EIF4A3: variants seen among roughly 807,000 people sequenced by gnomAD.
EIF4A3 encodes the protein eukaryotic translation initiation factor 4A3, also known as eukaryotic initiation factor 4A-III.
In EIF4A3, 1 loss-of-function variant was observed where a neutral mutation model predicts 55.6. The ratio of observed to expected loss-of-function variants is 0.02; its 90% confidence interval spans 0.01 to 0.09. The LOEUF (loss-of-function observed/expected upper bound fraction) is 0.09, where lower values mean the gene tolerates loss of function less well. EIF4A3 is among the 10% of genes least tolerant of loss of function. The pLI is 1.00. For synonymous variants in EIF4A3, 194 were observed against 196.3 expected, an observed-to-expected ratio of 0.99 and a Z score of 0.10; for missense variants, 221 against 540.7, an observed-to-expected ratio of 0.41 and a Z score of 5.86.
intron 11 of EIF4A3, 23 bp downstream of exon 11, chr17:80,135,981 A>G (rs2039567209): frequency 6.2e-7 from 1 of 1,611,774 alleles, no homozygotes; most frequent in African/African-American, 1.3e-5. Context: ...CTACAATTAC[A>G]GTAGAGCTGG....
At chr17:80,141,572 G>A (rs1415406092) in intron 3 of EIF4A3, 191 bp from the exon 4 acceptor site, 11 of 730,220 alleles carry the variant, frequency 1.5e-5, no homozygotes, top group East Asian at 2.7e-5. Context: ...ATCCTCGTCT[G>A]CAGACAAGAG....
Position 80,141,309 on chromosome 17 carries a change from G to A in EIF4A3, c.372+10C>T, listed in dbSNP as rs750002777. The A allele has an allele frequency of 6.2e-7, 1 of 1,610,676 alleles. No homozygotes were observed. The highest frequency in any genetic ancestry group is 1.3e-5 in the African/African-American group (1 of 74,964). On this transcript the variant is annotated intron_variant, in intron 4 of 11. Coordinates refer to ENST00000649764, the MANE Select transcript of EIF4A3 (RefSeq NM_014740.4). ...TGTTAATCGGACACCGCTATCTTTA[G>A]CCATCTCACCTTCTGGATCTGCACA...
intron 2 of EIF4A3, among the ~76,000 whole-genome samples, chr17:80,143,603 G>GA (rs566770904): frequency 3.8e-3 from 577 of 152,272 alleles, no homozygotes; most frequent in Non-Finnish European, 5.8e-3. Flanking sequence ...GAGAGCAGAG[G>GA]AAAAGCACAG....
chr17:80,143,258 C>G (rs1433860260), intron 2 of EIF4A3, among the ~76,000 whole-genome samples: 2 of 152,072 alleles, frequency 1.3e-5, no homozygotes, highest in African/African-American at 4.8e-5. Context: ...TGCACCCCTC[C>G]CCCCATATCT....
chr17:80,141,596 A>C (rs570508461), intron 3 of EIF4A3, 186 bp downstream of exon 3: 297 of 732,596 alleles, frequency 4.1e-4, no homozygotes, highest in Non-Finnish European at 6.1e-4. Context: ...CCTCTAGTTA[A>C]ATAGAAAATC....
chr17:80,135,290 A>G lies in EIF4A3; in HGVS notation c.*200T>C. On this transcript the variant is annotated 3_prime_UTR_variant, in exon 12 of 12. Coordinates refer to ENST00000649764, the MANE Select transcript of EIF4A3 (RefSeq NM_014740.4). The stretch of plus-strand genomic sequence containing the variant: ...AAGTTTTAAATTTTTAATGAAAAAG[A>G]CTTAGAACAATGTATTATTTACATG... The G allele has an allele frequency of 3.8e-6, 2 of 531,848 alleles. No individual in the cohort carries two copies. The highest frequency in any genetic ancestry group is 6.6e-5 in the East Asian group (2 of 30,526). 32.9% of individuals were successfully genotyped at this position (531,848 alleles called of 1,614,324 possible).
chr17:80,135,859 C>T, intron 11 of EIF4A3, 145 bp downstream of exon 11: 11 of 1,100,582 alleles, frequency 1.0e-5, no homozygotes, highest in Non-Finnish European at 1.4e-5. Flanking sequence ...CGCGCCACTG[C>T]ACTCCAGCCT....
At chr17:80,143,816 C>G (rs568668369) in intron 2 of EIF4A3, among the ~76,000 whole-genome samples, 1 of 152,028 alleles carries the variant, frequency 6.6e-6, no homozygotes, top group Admixed American at 6.5e-5. Context: ...CCCGTCTCTA[C>G]TAAAAATATG....
rs2039589671 is a variant in EIF4A3, at chr17:80,138,284, A to T, written c.729-4T>A. 2 of 1,613,518 alleles carry T rather than the reference A, an allele frequency of 1.2e-6. No individual in the cohort carries two copies. The highest frequency in any genetic ancestry group is 1.7e-6 in the Non-Finnish European group (2 of 1,179,988). ...GCCTTCCAGAGTCAATTCATCACTG[A>T]AGGACAAAGACAAATCCTGTTACAT... On this transcript the variant is annotated splice_polypyrimidine_tract_variant and splice_region_variant and intron_variant, in intron 7 of 11. Transcript: ENST00000649764.
rs779051281 is a variant in EIF4A3 at position 80,137,391 on chromosome 17, G to A, written c.978C>T (p.Gly326=). Residue 326 remains glycine, a synonymous_variant, in exon 9 of 12, where the codon GGC becomes GGT. Coordinates refer to ENST00000649764, the MANE Select transcript of EIF4A3 (RefSeq NM_014740.4). ...RESIMKEFRS[G]ASRVLISTDV... ...CCACAGCATAGCAGACCCACCTGGC[G>A]CCCGACCGGAACTCCTTCATGATGG... 8.7e-6 allele frequency: 14 copies of A among 1,613,028 alleles called. No individual in the cohort carries two copies. The highest frequency in any genetic ancestry group is 1.2e-5 in the Non-Finnish European group (14 of 1,179,580).
At chr17:80,141,023 C>T (rs2039613647) in intron 4 of EIF4A3, among the ~76,000 whole-genome samples, 1 of 152,096 alleles carries the variant, frequency 6.6e-6, no homozygotes, top group African/African-American at 2.4e-5. Flanking sequence ...TCTCAAACTC[C>T]TGACCTCAGG....
chr17:80,139,273 G>A (rs1025951295), intron 6 of EIF4A3, 111 bp from the exon 7 acceptor site: 177 of 1,415,474 alleles, frequency 1.3e-4, no homozygotes, highest in Middle Eastern at 2.5e-4. Context: ...GATAAGGTAC[G>A]TTTGACAGGA....
Position 80,140,282 on chromosome 17 carries a change from T to A in EIF4A3, c.373-142A>T. ...TCTCGAAACCACAAAATTCTCCTGCTCTTTTCTCTGACAAAAACAAGTTAA... is the reference window on the plus strand; with the variant it reads ...TCTCGAAACCACAAAATTCTCCTGCACTTTTCTCTGACAAAAACAAGTTAA... On this transcript the variant is annotated intron_variant, in intron 4 of 11. Transcript: ENST00000649764. 6 of 1,009,490 alleles carry A rather than the reference T, an allele frequency of 5.9e-6. No homozygotes were observed. In the South Asian group the frequency reaches 7.5e-5, roughly 13 times the overall value. The allele number at this position is 1,009,490 out of a possible 1,614,324, so 62.5% of individuals were successfully genotyped here.
Position 80,135,984 on chromosome 17 carries a change from A to G in EIF4A3, c.1219+20T>C, listed in dbSNP as rs565201449. 1.2e-6 allele frequency: 2 copies of G among 1,612,280 alleles called. No individual in the cohort carries two copies. The highest frequency in any genetic ancestry group is 1.3e-5 in the African/African-American group (1 of 74,990). ...GGGAAGTTCCCTCTACAATTACAGT[A>G]GAGCTGGACGATTTCCTACCGTTCA... On this transcript the variant is annotated intron_variant, in intron 11 of 11. Transcript: ENST00000649764.
At chr17:80,139,305 G>A in intron 6 of EIF4A3, 143 bp from the exon 7 acceptor site, 2 of 1,117,404 alleles carry the variant, frequency 1.8e-6, no homozygotes, top group Non-Finnish European at 2.5e-6. Context: ...TACAGCACCA[G>A]GCCACATCCA....
In EIF4A3 at chr17:80,134,589, C is replaced by G. The variant is rs1341940695; in HGVS notation, c.*901G>C. ...CTGTTATCCCAGCACTTTGTAAGGC[C>G]AAGATGGGAGAATCACTTAAACCCA... On this transcript the variant is annotated 3_prime_UTR_variant, in exon 12 of 12. Coordinates refer to ENST00000649764, the MANE Select transcript of EIF4A3 (RefSeq NM_014740.4). Among the ~76,000 whole-genome samples the G allele has an allele frequency of 2.0e-5, 3 of 151,808 alleles. No homozygotes were observed. Among genetic ancestry groups the G allele is most frequent in the South Asian group, 4.2e-4 (2 of 4,804 alleles).
At chr17:80,135,615 G>A in intron 11 of EIF4A3, 109 bp from the exon 12 acceptor site, 1 of 1,000,288 alleles carries the variant, frequency 1.0e-6, no homozygotes, top group Non-Finnish European at 1.5e-6. Context: ...CAAAAAACAG[G>A]CCAGACATAG....
In EIF4A3 at chr17:80,141,310, C is replaced by T; in HGVS notation, c.372+9G>A. 1 of 1,610,870 alleles carries T rather than the reference C, an allele frequency of 6.2e-7. No homozygotes were observed. The highest frequency in any genetic ancestry group is 8.5e-7 in the Non-Finnish European group (1 of 1,177,404). ...GTTAATCGGACACCGCTATCTTTAG[C>T]CATCTCACCTTCTGGATCTGCACAG... On this transcript the variant is annotated intron_variant, in intron 4 of 11. Coordinates refer to ENST00000649764, the MANE Select transcript of EIF4A3 (RefSeq NM_014740.4).
chr17:80,136,735 G>A (rs2039573720), intron 9 of EIF4A3: 1 of 171,238 alleles, frequency 5.8e-6, no homozygotes, highest in South Asian at 1.6e-4. Context: ...AGAGGCTGAG[G>A]CAGATGGATC....
Sources: gnomAD v4.1 joint callset for allele counts (sites outside exome capture counted in the v4.1 genomes callset) on GRCh38, gnomAD v4.1.1 for gene constraint, MANE v1.5 for transcripts, NCBI Gene and HGNC (gene_info 2026-07-23, HGNC 2026-07-21) for gene names.